Variants in BRINP3 observed in about 807,000 individuals in gnomAD.
The protein encoded by BRINP3 is BMP/retinoic acid inducible neural specific 3.
In BRINP3, 19 loss-of-function variants were observed where a neutral mutation model predicts 71.0. The observed-to-expected ratio is 0.27, with a 90% CI of 0.19 to 0.39. BRINP3 has a LOEUF of 0.39. Among genes scored for constraint, BRINP3 ranks in the 10% least tolerant of loss-of-function variants. BRINP3 has a pLI of 1.00. For missense variants in BRINP3, 959 were observed against 940.8 expected, an observed-to-expected ratio of 1.02 and a Z score of -0.25; for synonymous variants, 380 against 337.7, an observed-to-expected ratio of 1.13 and a Z score of -1.37.
At chr1:190,148,448 T>C (rs1170751411) in intron 7 of BRINP3, among the ~76,000 whole-genome samples, 1 of 151,324 alleles carries the variant, frequency 6.6e-6, no homozygotes, top group African/African-American at 2.4e-5. Context: ...AAAAAAAAAC[T>C]AGCCGGGCGT....
intron 7 of BRINP3, 33 bp from the exon 8 acceptor site, chr1:190,099,167 A>G (rs1353228943): frequency 6.3e-7 from 1 of 1,589,088 alleles, no homozygotes; most frequent in Non-Finnish European, 8.6e-7. Flanking sequence ...ATCTACATAA[A>G]TACAAAGATA....
chr1:190,206,390 T>C (rs980267167), intron 6 of BRINP3, among the ~76,000 whole-genome samples: 1 of 151,972 alleles, frequency 6.6e-6, no homozygotes, highest in Admixed American at 6.6e-5. Context: ...ACATTGAGGA[T>C]CTGCAAAAAG....
intron 7 of BRINP3, among the ~76,000 whole-genome samples, chr1:190,152,518 A>G (rs948666056): frequency 1.4e-5 from 2 of 143,746 alleles, no homozygotes; most frequent in Non-Finnish European, 3.0e-5. Context: ...ATATCGCCAC[A>G]GAATCTCCCC....
At chr1:190,358,024 G>T (rs1036857248) in intron 2 of BRINP3, among the ~76,000 whole-genome samples, 1 of 152,124 alleles carries the variant, frequency 6.6e-6, no homozygotes, top group East Asian at 1.9e-4. Flanking sequence ...ATGGATTAAA[G>T]ACTTAACTGT....
chr1:190,462,092 A>G (rs1405139588), intron 1 of BRINP3, among the ~76,000 whole-genome samples: 3 of 151,938 alleles, frequency 2.0e-5, no homozygotes, highest in Non-Finnish European at 2.9e-5. Context: ...TTGTATTTTT[A>G]GTAGAGATGG....
At chr1:190,443,404 C>CAA (rs560504461) in intron 2 of BRINP3, among the ~76,000 whole-genome samples, 15 of 73,628 alleles carry the variant, frequency 2.0e-4, no homozygotes, top group East Asian at 7.2e-4. Context: ...GACTCCGTCT[C>CAA]AAAAAAAAAA....
Position 190,122,500 on chromosome 1 carries a change from T to C in BRINP3, c.1185-23366A>G, listed in dbSNP as rs549773311. 4.1e-5 allele frequency among the ~76,000 whole-genome samples: 6 copies of C among 147,048 alleles called. No homozygotes were observed. The South Asian group carries it at 1.3e-3, about 32-fold the overall frequency. Reference sequence around the variant, plus strand: ...TGACATCAGAGGCAGATTGAAGTAATGCAGCTACAAGCCAAGGAACACCAG... The same window carrying C: ...TGACATCAGAGGCAGATTGAAGTAACGCAGCTACAAGCCAAGGAACACCAG... On this transcript the variant is annotated intron_variant, in intron 7 of 7. Transcript: ENST00000367462.
chr1:190,233,456 C>T lies in BRINP3; in HGVS notation c.724+916G>A, dbSNP rs1456903619. Among the ~76,000 whole-genome samples the T allele has an allele frequency of 3.3e-5, 5 of 152,246 alleles. No homozygotes were observed. The East Asian group carries it at 9.6e-4, about 29-fold the overall frequency. Reference sequence around the variant, plus strand: ...TCAGCCTCCCAAAGGGTTAGGATTGCAGGCATAAGCCACCACGTGGGGACA... The same window carrying T: ...TCAGCCTCCCAAAGGGTTAGGATTGTAGGCATAAGCCACCACGTGGGGACA... On this transcript the variant is annotated intron_variant, in intron 5 of 7. Transcript: ENST00000367462.
chr1:190,432,094 CA>C (rs1180430337), intron 2 of BRINP3, among the ~76,000 whole-genome samples: 5 of 151,936 alleles, frequency 3.3e-5, no homozygotes, highest in African/African-American at 9.7e-5. Flanking sequence ...TAGAAATAAA[CA>C]AAACTGCAAA....
At chr1:190,442,671 CGT>C (rs1003128790) in intron 2 of BRINP3, among the ~76,000 whole-genome samples, 4 of 150,594 alleles carry the variant, frequency 2.7e-5, no homozygotes, top group Admixed American at 6.6e-5. Context: ...TGTGTGATTA[CGT>C]GTGTGTGTGT....
chr1:190,132,058 A>T (rs1654589964), intron 7 of BRINP3, among the ~76,000 whole-genome samples: 1 of 152,054 alleles, frequency 6.6e-6, no homozygotes, highest in Admixed American at 6.6e-5. Context: ...TCTAAGCATC[A>T]ATTTATAATA....
At chr1:190,419,123 T>C (rs1673193013) in intron 2 of BRINP3, among the ~76,000 whole-genome samples, 1 of 151,864 alleles carries the variant, frequency 6.6e-6, no homozygotes, top group Admixed American at 6.6e-5. Context: ...ATTCTCTCTT[T>C]AGTTAAACTT....
chr1:190,246,874 A>C (rs1401205984), intron 4 of BRINP3, among the ~76,000 whole-genome samples: 1 of 151,994 alleles, frequency 6.6e-6, no homozygotes, highest in African/African-American at 2.4e-5. Flanking sequence ...AAACCAGATA[A>C]GCAACCTAGG....
intron 2 of BRINP3, among the ~76,000 whole-genome samples, chr1:190,453,033 T>A (rs767718167): frequency 1.3e-5 from 2 of 151,870 alleles, no homozygotes; most frequent in Non-Finnish European, 2.9e-5. Context: ...TTAAAAATCC[T>A]CTTGCAGAGT....
chr1:190,383,985 T>A (rs994030360), intron 2 of BRINP3, among the ~76,000 whole-genome samples: 1 of 151,894 alleles, frequency 6.6e-6, no homozygotes, highest in Non-Finnish European at 1.5e-5. Context: ...GTTTTACAGA[T>A]GAAAACATTG....
intron 2 of BRINP3, among the ~76,000 whole-genome samples, chr1:190,416,377 C>T (rs1016738493): frequency 6.6e-6 from 1 of 152,052 alleles, no homozygotes; most frequent in African/African-American, 2.4e-5. Context: ...ACCCCCTTGC[C>T]ACCACTTGCC....
chr1:190,244,258 CA>C (rs1276255812), intron 4 of BRINP3, among the ~76,000 whole-genome samples: 3 of 151,422 alleles, frequency 2.0e-5, no homozygotes, highest in Non-Finnish European at 2.9e-5. Context: ...ACTAAAGTTG[CA>C]AAAAAAATAT....
chr1:190,240,242 AT>A (rs1304002181), intron 4 of BRINP3, among the ~76,000 whole-genome samples: 8 of 152,134 alleles, frequency 5.3e-5, no homozygotes, highest in Admixed American at 4.6e-4. Flanking sequence ...TAAGCAAGTT[AT>A]TTTAAATATG....
intron 3 of BRINP3, among the ~76,000 whole-genome samples, chr1:190,279,667 C>T (rs766611971): frequency 2.0e-4 from 31 of 151,668 alleles, no homozygotes; most frequent in Non-Finnish European, 3.5e-4. Flanking sequence ...GATTCCATGC[C>T]GGAGTTATTT....
Sources: allele counts gnomAD v4.1 joint callset (sites outside exome capture counted in the v4.1 genomes callset), GRCh38; gene constraint gnomAD v4.1.1; transcripts MANE v1.5; gene names NCBI Gene and HGNC (gene_info 2026-07-23, HGNC 2026-07-21).